The following UBP1 variants were observed in gnomAD, a reference collection of about 807,000 sequenced individuals.
UBP1 encodes upstream-binding protein 1.
UBP1 carries 22 observed loss-of-function variants against 76.1 expected under a neutral mutation model. The ratio of observed to expected loss-of-function variants is 0.29; its 90% confidence interval spans 0.21 to 0.41. The LOEUF (loss-of-function observed/expected upper bound fraction) is 0.41. Among genes scored for constraint, UBP1 ranks in the 10% least tolerant of loss-of-function variants. The probability of loss-of-function intolerance (pLI) is 1.00; values close to 1 mark genes in which losing one functional copy is unlikely to be tolerated. For synonymous variants in UBP1, 224 were observed against 237.1 expected (o/e 0.94, Z 0.51); for missense variants, 436 against 668.1 (o/e 0.65, Z 3.83).
intron 1 of UBP1, among the ~76,000 whole-genome samples, chr3:33,437,459 T>C (rs948880591): frequency 6.6e-6 from 1 of 152,206 alleles, no homozygotes; most frequent in East Asian, 1.9e-4. Context: ...TTTCTTCCTT[T>C]CAAACTATCC....
intron 15 of UBP1, 161 bp from the exon 16 acceptor site, chr3:33,390,529 C>T (rs551098192): frequency 4.1e-6 from 3 of 739,190 alleles, no homozygotes; most frequent in Non-Finnish European, 6.7e-6. Flanking sequence ...AGCTCCTCTT[C>T]CCCCAAAAAA....
chr3:33,426,572 T>A (rs1017882278), intron 1 of UBP1, among the ~76,000 whole-genome samples: 1 of 152,192 alleles, frequency 6.6e-6, no homozygotes, highest in Non-Finnish European at 1.5e-5. Context: ...CCATACCCAT[T>A]AGTAGTCACT....
chr3:33,396,476 G>C (rs1472470374), intron 12 of UBP1, 196 bp from the exon 13 acceptor site: 1 of 508,032 alleles, frequency 2.0e-6, no homozygotes, highest in Non-Finnish European at 3.5e-6. Context: ...GGTCTAATAT[G>C]ATGATCCAGA....
intron 7 of UBP1, 58 bp downstream of exon 7, chr3:33,409,178 A>G (rs1261731264): frequency 6.6e-7 from 1 of 1,524,622 alleles, no homozygotes; most frequent in African/African-American, 1.4e-5. Flanking sequence ...TCATCTTAGA[A>G]ATAGACTAAT....
intron 2 of UBP1, among the ~76,000 whole-genome samples, chr3:33,419,025 C>G (rs2044812405): frequency 6.6e-6 from 1 of 152,134 alleles, no homozygotes; most frequent in Admixed American, 6.5e-5. Context: ...TAAAACCACA[C>G]TGAAATCATT....
At chr3:33,413,546 C>CA (rs926941278) in intron 3 of UBP1, among the ~76,000 whole-genome samples, 6,812 of 55,248 alleles carry the variant, frequency 0.12, 374 homozygotes, top group African/African-American at 0.2. Flanking sequence ...GACTCCATCA[C>CA]AAAAAAAAAA....
chr3:33,409,961 A>G (rs1336694812), intron 5 of UBP1, among the ~76,000 whole-genome samples: 2 of 152,172 alleles, frequency 1.3e-5, no homozygotes, highest in Admixed American at 1.3e-4. Flanking sequence ...GCCCTGTTCA[A>G]TCCACAGCAA....
intron 2 of UBP1, among the ~76,000 whole-genome samples, chr3:33,423,427 G>GA (rs1308334692): frequency 6.6e-6 from 1 of 152,082 alleles, no homozygotes; most frequent in East Asian, 1.9e-4. Flanking sequence ...GAAAAGACTA[G>GA]AAAAAATCAA....
intron 2 of UBP1, among the ~76,000 whole-genome samples, chr3:33,425,139 T>C (rs190836426): frequency 2.0e-5 from 3 of 152,232 alleles, no homozygotes; most frequent in Admixed American, 6.5e-5. Context: ...TGACATAAAC[T>C]ACAAACAAGA....
intron 8 of UBP1, among the ~76,000 whole-genome samples, chr3:33,404,475 A>C (rs1216662901): frequency 7.1e-6 from 1 of 141,694 alleles, no homozygotes; most frequent in Non-Finnish European, 1.5e-5. Context: ...CAAGCTAAAG[A>C]TAATAGGATT....
chr3:33,408,132 C>T (rs2044476734), intron 8 of UBP1, among the ~76,000 whole-genome samples: 1 of 151,682 alleles, frequency 6.6e-6, no homozygotes, highest in South Asian at 2.1e-4. Context: ...TTTTTTTCTA[C>T]CAGTGCTGCC....
chr3:33,425,448 C>T, intron 2 of UBP1, 142 bp downstream of exon 2: 1 of 909,540 alleles, frequency 1.1e-6, no homozygotes, highest in Non-Finnish European at 1.5e-6. Flanking sequence ...CAGTAAAATT[C>T]CTACAATTTT....
upstream of UBP1, chr3:33,440,531 T>A (rs1487304803): frequency 6.8e-6 from 1 of 146,166 alleles, no homozygotes; most frequent in Non-Finnish European, 1.5e-5. Context: ...GAGAGTGCAA[T>A]GCGGCCCCGC....
In UBP1 at chr3:33,390,254, G is replaced by A; in HGVS notation, c.*77C>T. The A allele has an allele frequency of 7.0e-7, 1 of 1,428,630 alleles. No homozygotes were observed. The highest frequency in any genetic ancestry group is 9.8e-7 in the Non-Finnish European group (1 of 1,024,726). The allele number at this position is 1,428,630 out of a possible 1,614,324, so 88.5% of individuals were successfully genotyped here. ...TTCATATGGTAAAATCCAATCCCAA[G>A]ACTTCTTGGATTCAGTCTTCACACA... On this transcript the variant is annotated 3_prime_UTR_variant, in exon 16 of 16. Transcript: ENST00000283629.
At chr3:33,411,777 C>T (rs2044589517) in intron 4 of UBP1, 90 bp from the exon 5 acceptor site, 3 of 1,034,464 alleles carry the variant, frequency 2.9e-6, no homozygotes, top group South Asian at 1.4e-5. Context: ...AATGAAATAA[C>T]TGTAACTGCT....
intron 4 of UBP1, 92 bp from the exon 5 acceptor site, chr3:33,411,779 G>T: frequency 9.7e-7 from 1 of 1,029,252 alleles, no homozygotes; most frequent in Non-Finnish European, 1.5e-6. Context: ...TGAAATAACT[G>T]TAACTGCTTT....
At chr3:33,412,097 G>C (rs1469433927) in intron 4 of UBP1, among the ~76,000 whole-genome samples, 1 of 146,664 alleles carries the variant, frequency 6.8e-6, no homozygotes, top group Non-Finnish European at 1.5e-5. Context: ...TGAGGCACAA[G>C]AATCACTTGA....
intron 13 of UBP1, among the ~76,000 whole-genome samples, chr3:33,395,359 G>A (rs181862734): frequency 2.1e-4 from 32 of 151,608 alleles, no homozygotes; most frequent in African/African-American, 6.3e-4. Flanking sequence ...TGAGCATGTT[G>A]CCTTTGTTCT....
chr3:33,408,579 G>A (rs1033203333), intron 8 of UBP1, 111 bp downstream of exon 8: 2 of 744,918 alleles, frequency 2.7e-6, no homozygotes, highest in African/African-American at 3.6e-5. Context: ...ATTAAATCAA[G>A]ACATGGACAT....
Sources: allele counts gnomAD v4.1 joint callset (sites outside exome capture counted in the v4.1 genomes callset), GRCh38; gene constraint gnomAD v4.1.1; transcripts MANE v1.5; gene names NCBI Gene and HGNC (gene_info 2026-07-23, HGNC 2026-07-21).